Variants in ITIH6 observed in about 807,000 individuals in gnomAD.
The protein encoded by ITIH6 is inter-alpha-trypsin inhibitor heavy chain H6.
Under a neutral mutation model 58.2 loss-of-function variants are expected in ITIH6, and 60 were observed. The ratio of observed to expected loss-of-function variants is 1.03; its 90% CI spans 0.84 to 1.28. The LOEUF (loss-of-function observed/expected upper bound fraction) is 1.28. Ranked by LOEUF, ITIH6 falls within the 50% of genes most tolerant of loss-of-function variation. The pLI is 0.00. For synonymous variants in ITIH6, 493 were observed against 417.4 expected, an observed-to-expected ratio of 1.18 and a Z score of -2.21; for missense variants, 1,290 against 1,021.1, an observed-to-expected ratio of 1.26 and a Z score of -3.59.
At position 54,758,937 on chromosome X, in the gene ITIH6, C is replaced by T; in HGVS notation, c.1137G>A (p.Glu379=). The change falls in exon 8 of 13, where the codon GAG becomes GAA. Residue 379 remains glutamate, a synonymous_variant. Coordinates refer to ENST00000218436, the MANE Select transcript of ITIH6 (RefSeq NM_198510.3). ...TCCCCACACTGGGGCCCCTCCCAGG[C>T]TCCTGGTTGCTATGGTTCAGCACTG... The part of the protein sequence containing the change: ...AASVLNHSNQ[E]PGRGPSVGRI... The T allele has an allele frequency of 8.3e-7, 1 of 1,201,821 alleles. No homozygotes were observed. Among genetic ancestry groups the T allele is most frequent in the Non-Finnish European group, 1.1e-6 (1 of 890,276 alleles).
chrX:54,757,093 G>T lies in ITIH6; in HGVS notation c.2981C>A (p.Pro994His). 1 of 1,209,823 alleles carries T rather than the reference G, an allele frequency of 8.3e-7. No homozygotes were observed. The highest frequency in any genetic ancestry group is 2.3e-4 in the Middle Eastern group (1 of 4,356). The change falls in exon 8 of 13, where the codon CCT becomes CAT. Residue 994 changes from proline (P) to histidine (H), a missense_variant. Physicochemically the swap from Pro to His is moderately conservative, Grantham distance 77. Transcript: ENST00000218436. ...LPILLPSSIL[P>H]EAISLLLLPE... Reference sequence around the variant, plus strand: ...GAGAAGGAGCAGACTGATGGCCTCAGGGAGGATGCTAGAAGGCAGCAAGAT... The same window carrying T: ...GAGAAGGAGCAGACTGATGGCCTCATGGAGGATGCTAGAAGGCAGCAAGAT...
intron 6 of ITIH6, among the ~76,000 whole-genome samples, chrX:54,768,873 C>T (rs1275219383): frequency 3.7e-5 from 4 of 107,349 alleles, no homozygotes; most frequent in Middle Eastern, 4.7e-3. Flanking sequence ...TTGCTCTTCT[C>T]GAGGAGTATC....
intron 6 of ITIH6, among the ~76,000 whole-genome samples, chrX:54,773,791 TC>T (rs1277538690): frequency 9.0e-5 from 10 of 110,873 alleles, no homozygotes; most frequent in East Asian, 2.8e-4. Flanking sequence ...GATTCTAGGA[TC>T]CCAGGGTGCT....
intron 6 of ITIH6, among the ~76,000 whole-genome samples, chrX:54,766,326 G>A (rs1406407536): frequency 4.5e-5 from 4 of 88,657 alleles, no homozygotes; most frequent in African/African-American, 1.3e-4. Flanking sequence ...CAATCATGTC[G>A]TCTGCAAACA....
In ITIH6 at chrX:54,749,817, T is replaced by C. The variant is rs1401660721; in HGVS notation, c.*78A>G. 1 of 855,675 alleles carries C rather than the reference T, an allele frequency of 1.2e-6. No individual in the cohort carries two copies. The highest frequency in any genetic ancestry group is 1.7e-6 in the Non-Finnish European group (1 of 604,671). 70.5% of individuals were successfully genotyped at this position (855,675 alleles called of 1,213,427 possible). A position where few individuals can be genotyped will look rare whatever the true frequency, so the allele number is the denominator to read the frequency against. ...GTGTGTGCTTCCATGTCCTTGGGTC[T>C]CTGTCCCTGGCTCACCCCATGCCCT... On this transcript the variant is annotated 3_prime_UTR_variant, in exon 13 of 13. Transcript: ENST00000218436.
At chrX:54,772,558 T>C (rs970884631) in intron 6 of ITIH6, among the ~76,000 whole-genome samples, 1 of 112,505 alleles carries the variant, frequency 8.9e-6, no homozygotes, top group African/African-American at 3.2e-5. Flanking sequence ...TTTCGACATA[T>C]CTGACATATT....
chrX:54,774,012 T>C, intron 6 of ITIH6, 69 bp downstream of exon 6: 2 of 642,101 alleles, frequency 3.1e-6, no homozygotes, highest in Non-Finnish European at 4.8e-6. Context: ...GGCCCCATTG[T>C]TACCACGCTC....
Position 54,758,859 on chromosome X carries a change from C to A in ITIH6, c.1215G>T (p.Thr405=), listed in dbSNP as rs372848668. The part of the protein sequence containing the change: ...LTDGEPTAGV[T]TPSVILSNVR... ...CATTGGAGAGGATCACACTGGGGGT[C>A]GTCACGCCGGCCGTGGGCTCCCCAT... Residue 405 remains threonine, a synonymous_variant, in exon 8 of 13, where the codon ACG becomes ACT. Coordinates refer to ENST00000218436, the MANE Select transcript of ITIH6 (RefSeq NM_198510.3). The A allele has an allele frequency of 8.3e-7, 1 of 1,211,190 alleles. No homozygotes were observed. Among genetic ancestry groups the A allele is most frequent in the Non-Finnish European group, 1.1e-6 (1 of 895,343 alleles).
intron 6 of ITIH6, among the ~76,000 whole-genome samples, chrX:54,766,378 A>C (rs1283333911): frequency 1.3e-5 from 1 of 78,745 alleles, no homozygotes; most frequent in Non-Finnish European, 2.4e-5. Flanking sequence ...AATACCCTTT[A>C]TTTCCTTCTC....
rs373193074 is a variant in ITIH6, at chrX:54,798,172, C to T, written c.39G>A (p.Leu13=). 432 of 1,185,037 alleles carry T rather than the reference C, an allele frequency of 3.6e-4. 3 individuals carry two copies. The South Asian group carries it at 7.6e-3, about 21-fold the overall frequency. The change falls in exon 1 of 13, where the codon TTG becomes TTA. Residue 13 remains leucine, a synonymous_variant. Coordinates refer to ENST00000218436, the MANE Select transcript of ITIH6 (RefSeq NM_198510.3). ...ATGTCAGTTCAAGAAGAATGGTCAG[C>T]AAAAAGCTGACACAGATGAGGTACC... ...GWRYLICVSF[L]LTILLELTYQ...
rs762616574 is a variant in ITIH6, at chrX:54,761,125, C to T, written c.904-1198G>A. 6.3e-5 allele frequency among the ~76,000 whole-genome samples: 7 copies of T among 111,910 alleles called. No homozygotes were observed. In the South Asian group the frequency reaches 1.9e-3, roughly 30 times the overall value. The stretch of plus-strand genomic sequence containing the variant: ...TTGTTTCCTGACTTTTTAATGATTG[C>T]CATTTTAACTGGTGTGAGATGGTAT... On this transcript the variant is annotated intron_variant, in intron 6 of 12. Coordinates refer to ENST00000218436, the MANE Select transcript of ITIH6 (RefSeq NM_198510.3).
chrX:54,770,911 TTTTG>T (rs1466188966), intron 6 of ITIH6, among the ~76,000 whole-genome samples: 1 of 111,965 alleles, frequency 8.9e-6, no homozygotes, highest in Non-Finnish European at 1.9e-5. Flanking sequence ...TTCCCAAAAT[TTTTG>T]TTTGTTTGAG....
chrX:54,760,065 T>C (rs1875345488), intron 6 of ITIH6, 138 bp from the exon 7 acceptor site: 1 of 497,823 alleles, frequency 2.0e-6, no homozygotes, highest in Admixed American at 3.9e-5. Context: ...TCTGTGAATC[T>C]AGGATTCTCA....
At chrX:54,762,780 G>T (rs770073062) in intron 6 of ITIH6, among the ~76,000 whole-genome samples, 1 of 112,054 alleles carries the variant, frequency 8.9e-6, no homozygotes, top group South Asian at 3.7e-4. Flanking sequence ...GCTGCTTCTT[G>T]TCTCCCTTCT....
chrX:54,756,843 AGC>A, intron 8 of ITIH6, 120 bp downstream of exon 8: 1 of 455,145 alleles, frequency 2.2e-6, no homozygotes, highest in Non-Finnish European at 3.6e-6. Flanking sequence ...CAAGCAAGCA[AGC>A]AAGCAAGGAA....
At chrX:54,792,534 A>G (rs2147621715) in intron 2 of ITIH6, among the ~76,000 whole-genome samples, 1 of 111,837 alleles carries the variant, frequency 8.9e-6, no homozygotes, top group Admixed American at 9.5e-5. Flanking sequence ...ATATTGGGTA[A>G]ATAATATGGC....
intron 5 of ITIH6, among the ~76,000 whole-genome samples, chrX:54,775,232 T>A (rs148070502): frequency 2.7e-5 from 3 of 111,698 alleles, no homozygotes; most frequent in Admixed American, 9.4e-5. Context: ...TCTGCACACC[T>A]CCCATACCTG....
At chrX:54,770,360 C>A (rs1928924009) in intron 6 of ITIH6, among the ~76,000 whole-genome samples, 1 of 112,959 alleles carries the variant, frequency 8.9e-6, no homozygotes, top group South Asian at 3.7e-4. Context: ...ACGCTGGGAG[C>A]TGTAGACCGG....
chrX:54,765,795 C>G (rs1431532696), intron 6 of ITIH6, among the ~76,000 whole-genome samples: 1 of 109,014 alleles, frequency 9.2e-6, no homozygotes, highest in African/African-American at 3.4e-5. Context: ...GTTACTGTAG[C>G]CTTGTAGTAT....
Sources: gnomAD v4.1 joint callset for allele counts (sites outside exome capture counted in the v4.1 genomes callset) on GRCh38, gnomAD v4.1.1 for gene constraint, MANE v1.5 for transcripts, NCBI Gene and HGNC (gene_info 2026-07-23, HGNC 2026-07-21) for gene names.